Variants in INPP5A observed in about 807,000 individuals in gnomAD.
INPP5A encodes 43 kDa inositol polyphosphate 5-phophatase.
Under a neutral mutation model 65.2 loss-of-function variants are expected in INPP5A, and 14 were observed. The observed-to-expected ratio is 0.21, with a 90% CI of 0.14 to 0.34. The LOEUF is 0.34. Ranked by LOEUF, INPP5A falls within the 10% of genes least tolerant of loss-of-function variation. INPP5A has a pLI of 1.00. For synonymous variants in INPP5A, 207 were observed against 208.3 expected, an observed-to-expected ratio of 0.99 and a Z score of 0.05; for missense variants, 431 against 545.6, an observed-to-expected ratio of 0.79 and a Z score of 2.09.
chr10:132,719,197 C>T (rs1845809854), intron 8 of INPP5A, among the ~76,000 whole-genome samples: 1 of 148,440 alleles, frequency 6.7e-6, no homozygotes, highest in Non-Finnish European at 1.5e-5. Context: ...TACCTGGGTT[C>T]TGTCTGGGCA....
chr10:132,711,675 G>T (rs933586608), intron 8 of INPP5A, among the ~76,000 whole-genome samples: 1 of 152,254 alleles, frequency 6.6e-6, no homozygotes, highest in Non-Finnish European at 1.5e-5. Context: ...CCAGCAGCTG[G>T]CATCCTCAGA....
chr10:132,539,238 G>A (rs886761902), intron 1 of INPP5A, among the ~76,000 whole-genome samples: 1 of 152,174 alleles, frequency 6.6e-6, no homozygotes, highest in African/African-American at 2.4e-5. Context: ...CCTGGGTGCC[G>A]GCCTCACTGT....
intron 8 of INPP5A, among the ~76,000 whole-genome samples, chr10:132,719,636 C>T (rs55836752): frequency 0.025 from 3,052 of 122,932 alleles, 61 homozygotes; most frequent in South Asian, 0.057. Flanking sequence ...AGCTGTCTTG[C>T]GGGTTCTGTG....
chr10:132,561,731 C>CAT (rs1477514683), intron 1 of INPP5A, among the ~76,000 whole-genome samples: 1 of 145,502 alleles, frequency 6.9e-6, no homozygotes, highest in East Asian at 1.9e-4. Context: ...TCCACACACA[C>CAT]ACACACACAC....
rs1437810526 is a variant in INPP5A, at chr10:132,726,889, C to A, written c.716C>A (p.Ser239Tyr). 6.2e-7 allele frequency: 1 copy of A among 1,609,608 alleles called. No individual in the cohort carries two copies. Among genetic ancestry groups the A allele is most frequent in the African/African-American group, 1.3e-5 (1 of 74,860 alleles). ...VFGDFNFRLD[S>Y]KSVVETLCTK... ...GGTGATTTCAACTTCCGGCTGGATTCCAAGTCCGTCGTGGAGGTAGGCGCT... is the reference window on the plus strand; with the variant it reads ...GGTGATTTCAACTTCCGGCTGGATTACAAGTCCGTCGTGGAGGTAGGCGCT... The change falls in exon 9 of 16, where the codon TCC becomes TAC. Residue 239 changes from serine to tyrosine, a missense_variant. Ser to Tyr is a moderately radical substitution (Grantham distance 144). Transcript: ENST00000368594.
At chr10:132,683,713 TTTTG>T (rs202103108) in intron 4 of INPP5A, among the ~76,000 whole-genome samples, 2,228 of 152,320 alleles carry the variant, frequency 0.015, 29 homozygotes, top group Non-Finnish European at 0.021. Context: ...TTACAGGGTT[TTTTG>T]TTTGTTTGTT....
intron 4 of INPP5A, among the ~76,000 whole-genome samples, chr10:132,677,620 C>T (rs146150727): frequency 1.3e-5 from 2 of 152,330 alleles, no homozygotes; most frequent in East Asian, 3.9e-4. Flanking sequence ...CAGGCCATCT[C>T]GTTCCATTTC....
At chr10:132,781,691 C>T (rs976884403) in intron 14 of INPP5A, among the ~76,000 whole-genome samples, 170 bp from the exon 15 acceptor site, 4 of 152,204 alleles carry the variant, frequency 2.6e-5, no homozygotes, top group African/African-American at 9.7e-5. Flanking sequence ...CCTGCGCTGC[C>T]GTGGCTGTGC....
chr10:132,743,502 C>G (rs534160417), intron 9 of INPP5A, among the ~76,000 whole-genome samples: 4 of 152,266 alleles, frequency 2.6e-5, no homozygotes, highest in Non-Finnish European at 4.4e-5. Flanking sequence ...CCCTGGAGGG[C>G]CGGACCCTAA....
At chr10:132,592,078 C>G (rs1447494546) in intron 1 of INPP5A, among the ~76,000 whole-genome samples, 1 of 152,028 alleles carries the variant, frequency 6.6e-6, no homozygotes, top group Non-Finnish European at 1.5e-5. Flanking sequence ...ACTTATAAGG[C>G]TAGAGTATAG....
rs199522346 is a variant in INPP5A at position 132,710,290 on chromosome 10, G to A, written c.528-47G>A. On this transcript the variant is annotated intron_variant, in intron 7 of 15. Coordinates refer to ENST00000368594, the MANE Select transcript of INPP5A (RefSeq NM_005539.5). ...TCCTTGGGAGAACGAAGTGTGACCCGGAGGCTCCGGCCCTTGGTGACGTGT... is the reference window on the plus strand; with the variant it reads ...TCCTTGGGAGAACGAAGTGTGACCCAGAGGCTCCGGCCCTTGGTGACGTGT... 3.4e-5 allele frequency: 54 copies of A among 1,600,038 alleles called. No individual in the cohort carries two copies. In the East Asian group the frequency reaches 5.2e-4, roughly 15 times the overall value.
chr10:132,543,009 G>C (rs1014324799), intron 1 of INPP5A, among the ~76,000 whole-genome samples: 1 of 152,052 alleles, frequency 6.6e-6, no homozygotes, highest in African/African-American at 2.4e-5. Context: ...GGGTCTTGCT[G>C]TGTTGCCCAG....
intron 2 of INPP5A, among the ~76,000 whole-genome samples, chr10:132,632,268 G>A (rs2072286017): frequency 6.6e-6 from 1 of 152,248 alleles, no homozygotes; most frequent in Non-Finnish European, 1.5e-5. Flanking sequence ...GCCCTGGGGA[G>A]CTGCTTGGCT....
chr10:132,569,030 C>T (rs1660630430), intron 1 of INPP5A, among the ~76,000 whole-genome samples: 2 of 151,794 alleles, frequency 1.3e-5, no homozygotes, highest in African/African-American at 4.8e-5. Context: ...ATTCTCCTGC[C>T]TCAGCCTCTC....
intron 7 of INPP5A, 89 bp from the exon 8 acceptor site, chr10:132,710,248 C>CT: frequency 1.3e-6 from 2 of 1,501,456 alleles, no homozygotes; most frequent in African/African-American, 2.8e-5. Flanking sequence ...CAGTGCAGGT[C>CT]TTATCTTCCC....
intron 12 of INPP5A, among the ~76,000 whole-genome samples, chr10:132,777,302 G>GA (rs1847081193): frequency 6.6e-6 from 1 of 152,236 alleles, no homozygotes; most frequent in Admixed American, 6.5e-5. Context: ...TCACCAGGTG[G>GA]AGGAACGTCC....
chr10:132,736,508 G>A lies in INPP5A; in HGVS notation c.732+9603G>A, dbSNP rs374818182. On this transcript the variant is annotated intron_variant, in intron 9 of 15. Coordinates refer to ENST00000368594, the MANE Select transcript of INPP5A (RefSeq NM_005539.5). ...CAGAAGGAGCCGTCCTCGGAGAGGG[G>A]CTGACGTCGCAAGGAGACACCCCGA... 5.3e-5 allele frequency among the ~76,000 whole-genome samples: 8 copies of A among 152,364 alleles called. No individual in the cohort carries two copies. In the East Asian group the frequency reaches 1.5e-3, roughly 29 times the overall value.
chr10:132,653,923 G>A (rs1265447970), intron 4 of INPP5A, among the ~76,000 whole-genome samples: 1 of 152,230 alleles, frequency 6.6e-6, no homozygotes, highest in Admixed American at 6.5e-5. Flanking sequence ...CTGTGTACTT[G>A]GTGCCTCAAA....
intron 2 of INPP5A, among the ~76,000 whole-genome samples, chr10:132,613,377 A>G (rs1420775597): frequency 1.3e-5 from 2 of 152,126 alleles, no homozygotes; most frequent in African/African-American, 4.8e-5. Flanking sequence ...GGGACCTGAC[A>G]GAAAGGTGGG....
Sources: gnomAD v4.1 joint callset for allele counts (sites outside exome capture counted in the v4.1 genomes callset) on GRCh38, gnomAD v4.1.1 for gene constraint, MANE v1.5 for transcripts, NCBI Gene and HGNC (gene_info 2026-07-23, HGNC 2026-07-21) for gene names.